Variants in MALRD1 observed in about 807,000 individuals in gnomAD.
The protein encoded by MALRD1 is MAM and LDL-receptor class A domain-containing protein 1.
MALRD1 carries 247 observed loss-of-function variants against 242.1 expected under a neutral mutation model. The observed-to-expected ratio is 1.02, with a 90% CI of 0.92 to 1.13. The LOEUF is 1.13. MALRD1 is among the 50% of genes most tolerant of loss of function. The probability of loss-of-function intolerance (pLI) is 0.00; values close to 1 mark genes in which losing one functional copy is unlikely to be tolerated. For missense variants in MALRD1, 2,989 were observed against 2,533.1 expected (o/e 1.18, Z -3.86); for synonymous variants, 995 against 866.6 (o/e 1.15, Z -2.60).
chr10:19,641,930 AG>A (rs1564509504), intron 36 of MALRD1, among the ~76,000 whole-genome samples: 3 of 152,186 alleles, frequency 2.0e-5, no homozygotes, highest in Non-Finnish European at 2.9e-5. Context: ...GGCAATAACA[AG>A]TAGTTCAGAA....
chr10:19,110,164 C>A (rs1050855250), intron 5 of MALRD1, among the ~76,000 whole-genome samples: 1 of 152,144 alleles, frequency 6.6e-6, no homozygotes, highest in African/African-American at 2.4e-5. Flanking sequence ...TTGTTTTAGT[C>A]CTTTTTCATG....
intron 10 of MALRD1, among the ~76,000 whole-genome samples, chr10:19,142,491 C>T (rs1485814590): frequency 6.6e-6 from 1 of 151,888 alleles, no homozygotes; most frequent in East Asian, 1.9e-4. Flanking sequence ...TCTTGTCTGC[C>T]CATATGCTGC....
At chr10:19,053,593 T>A (rs1834573392) in intron 1 of MALRD1, among the ~76,000 whole-genome samples, 1 of 151,910 alleles carries the variant, frequency 6.6e-6, no homozygotes, top group Non-Finnish European at 1.5e-5. Context: ...TGTACCAAAG[T>A]TTTTTTTGTT....
intron 26 of MALRD1, among the ~76,000 whole-genome samples, chr10:19,358,127 G>A (rs530335100): frequency 6.6e-5 from 10 of 151,044 alleles, no homozygotes; most frequent in Admixed American, 6.6e-5. Context: ...ATTCAATCAC[G>A]GTCATATTCT....
intron 36 of MALRD1, among the ~76,000 whole-genome samples, chr10:19,661,830 C>G (rs979025697): frequency 5.9e-5 from 9 of 151,916 alleles, no homozygotes; most frequent in Non-Finnish European, 7.4e-5. Flanking sequence ...AAACAAGTGA[C>G]AGATGAAAAT....
At chr10:19,203,264 G>T (rs1836630000) in intron 14 of MALRD1, among the ~76,000 whole-genome samples, 1 of 152,046 alleles carries the variant, frequency 6.6e-6, no homozygotes, top group African/African-American at 2.4e-5. Flanking sequence ...ATGAAAATCT[G>T]GGGTACACAT....
intron 31 of MALRD1, among the ~76,000 whole-genome samples, chr10:19,505,095 C>G (rs1244435752): frequency 6.6e-6 from 1 of 151,798 alleles, no homozygotes; most frequent in Non-Finnish European, 1.5e-5. Flanking sequence ...GAGAAAGAGG[C>G]AGAGGAGGAG....
At chr10:19,678,311 T>C (rs1017785428) in intron 36 of MALRD1, among the ~76,000 whole-genome samples, 6 of 152,180 alleles carry the variant, frequency 3.9e-5, no homozygotes, top group African/African-American at 1.4e-4. Context: ...GCCTGGAATG[T>C]CTTACCATTT....
intron 35 of MALRD1, among the ~76,000 whole-genome samples, chr10:19,612,762 C>G (rs553416271): frequency 1.3e-5 from 2 of 151,804 alleles, no homozygotes; most frequent in Admixed American, 1.3e-4. Flanking sequence ...AGAGAGAGAA[C>G]GGGAAGTGCT....
intron 36 of MALRD1, among the ~76,000 whole-genome samples, chr10:19,665,208 A>G (rs763454009): frequency 6.6e-6 from 1 of 152,188 alleles, no homozygotes; most frequent in Non-Finnish European, 1.5e-5. Flanking sequence ...GCATCCTAAC[A>G]AAAGAATAAT....
intron 31 of MALRD1, among the ~76,000 whole-genome samples, chr10:19,517,228 G>A (rs1412324062): frequency 2.6e-5 from 4 of 152,162 alleles, no homozygotes; most frequent in Admixed American, 6.5e-5. Context: ...GGACTGGTTG[G>A]TTATTGTCCT....
chr10:19,177,364 CTTAA>C (rs1835306196), intron 14 of MALRD1, among the ~76,000 whole-genome samples: 1 of 150,944 alleles, frequency 6.6e-6, no homozygotes, highest in Admixed American at 6.6e-5. Context: ...TTTTCTTTCT[CTTAA>C]TTAAATACCA....
chr10:19,186,795 C>T (rs1408452703), intron 14 of MALRD1, among the ~76,000 whole-genome samples: 1 of 152,008 alleles, frequency 6.6e-6, no homozygotes, highest in Non-Finnish European at 1.5e-5. Flanking sequence ...TGTTGCTTAT[C>T]TGCTGAAACT....
chr10:19,235,826 G>A (rs1564489018), intron 18 of MALRD1, among the ~76,000 whole-genome samples: 1 of 152,018 alleles, frequency 6.6e-6, no homozygotes. Flanking sequence ...GAGAAGGAGA[G>A]GGAGTTTTAG....
intron 28 of MALRD1, among the ~76,000 whole-genome samples, chr10:19,422,516 T>C (rs903845227): frequency 1.1e-4 from 16 of 152,184 alleles, no homozygotes; most frequent in Admixed American, 7.9e-4. Context: ...ATTATTACTC[T>C]GTATTGTTTG....
At chr10:19,165,976 A>G (rs1468218730) in intron 13 of MALRD1, among the ~76,000 whole-genome samples, 166 bp downstream of exon 13, 3 of 145,480 alleles carry the variant, frequency 2.1e-5, no homozygotes, top group Admixed American at 7.2e-5. Flanking sequence ...CTTTCAGATA[A>G]CAAAATAACA....
chr10:19,352,436 CAAAA>C, intron 26 of MALRD1, 139 bp downstream of exon 26: 1 of 877,286 alleles, frequency 1.1e-6, no homozygotes, highest in African/African-American at 1.7e-5. Flanking sequence ...TTTTTAAACT[CAAAA>C]AAATATTTCT....
chr10:19,334,496 A>G (rs1843521571), intron 24 of MALRD1, among the ~76,000 whole-genome samples: 1 of 152,022 alleles, frequency 6.6e-6, no homozygotes, highest in African/African-American at 2.4e-5. Flanking sequence ...GATCAGTACT[A>G]TAATACATAC....
intron 38 of MALRD1, chr10:19,722,668 C>CTTATTGTT (rs1834826714): frequency 6.8e-6 from 1 of 146,208 alleles, no homozygotes. Flanking sequence ...TTGACACCTC[C>CTTATTGTT]TTATTGTTCT....
Sources: allele counts gnomAD v4.1 joint callset (sites outside exome capture counted in the v4.1 genomes callset), GRCh38; gene constraint gnomAD v4.1.1; transcripts MANE v1.5; gene names NCBI Gene and HGNC (gene_info 2026-07-23, HGNC 2026-07-21).